Variants in MAML3 observed in about 807,000 individuals in gnomAD.
MAML3 encodes the protein mastermind like transcriptional coactivator 3.
MAML3 carries 27 observed loss-of-function variants against 101.9 expected under a neutral mutation model. That is an observed-to-expected ratio of 0.27 (90% CI 0.20 to 0.37). The LOEUF is 0.37. MAML3 is among the 10% of genes least tolerant of loss of function. The pLI, the probability that MAML3 is intolerant of heterozygous loss-of-function variation, is 1.00. For synonymous variants in MAML3, 501 were observed against 555.9 expected (o/e 0.90, Z 1.39); for missense variants, 1,316 against 1,444.9 (o/e 0.91, Z 1.45).
intron 2 of MAML3, chr4:139,888,602 C>G (rs1261557028): frequency 1.9e-6 from 1 of 519,044 alleles, no homozygotes; most frequent in African/African-American, 1.9e-5. Flanking sequence ...GGTTGCTGCT[C>G]ATTTTTTACC....
At chr4:139,925,641 G>A (rs1733207904) in intron 1 of MAML3, among the ~76,000 whole-genome samples, 1 of 152,166 alleles carries the variant, frequency 6.6e-6, no homozygotes, top group East Asian at 1.9e-4. Flanking sequence ...GGGCTAGTGT[G>A]CCACCTTCAC....
intron 2 of MAML3, among the ~76,000 whole-genome samples, chr4:139,743,660 C>A (rs1393024652): frequency 6.6e-6 from 1 of 152,136 alleles, no homozygotes; most frequent in Non-Finnish European, 1.5e-5. Flanking sequence ...GGATACCACA[C>A]GGGGAAAAGC....
intron 2 of MAML3, among the ~76,000 whole-genome samples, chr4:139,758,388 C>CT (rs1017970023): frequency 6.6e-5 from 10 of 152,060 alleles, no homozygotes; most frequent in South Asian, 2.1e-4. Flanking sequence ...TATCTTTTAA[C>CT]TTTTTTTTGT....
intron 1 of MAML3, among the ~76,000 whole-genome samples, chr4:140,099,359 A>T (rs911448169): frequency 2.0e-5 from 3 of 152,112 alleles, no homozygotes; most frequent in Non-Finnish European, 4.4e-5. Context: ...ACCCAGTCTC[A>T]CAAGTAAGAA....
At chr4:140,035,535 C>T (rs969687079) in intron 1 of MAML3, among the ~76,000 whole-genome samples, 13 of 152,126 alleles carry the variant, frequency 8.5e-5, no homozygotes, top group African/African-American at 2.7e-4. Context: ...CAGTGGCTCA[C>T]GCCTGTAATC....
rs916337136 is a variant in MAML3, at chr4:139,871,667, C to T, written c.2079+17690G>A. On this transcript the variant is annotated intron_variant, in intron 2 of 4. Coordinates refer to ENST00000509479, the MANE Select transcript of MAML3 (RefSeq NM_018717.5). ...TCTAATGAGCTTTGAGGGGCTTCCACACTCCCCTGGGTCCTCCTCCCTGAG... is the reference window on the plus strand; with the variant it reads ...TCTAATGAGCTTTGAGGGGCTTCCATACTCCCCTGGGTCCTCCTCCCTGAG... Among the ~76,000 whole-genome samples, 6 of 152,228 alleles carry T rather than the reference C, an allele frequency of 3.9e-5. No individual in the cohort carries two copies. In the East Asian group the frequency reaches 1.2e-3, roughly 29 times the overall value.
At chr4:139,739,123 T>G (rs1379755415) in intron 2 of MAML3, among the ~76,000 whole-genome samples, 1 of 152,222 alleles carries the variant, frequency 6.6e-6, no homozygotes, top group Non-Finnish European at 1.5e-5. Context: ...CTCAACTGAC[T>G]AATTGGCTGG....
At chr4:139,964,317 C>G (rs1434043676) in intron 1 of MAML3, among the ~76,000 whole-genome samples, 1 of 152,154 alleles carries the variant, frequency 6.6e-6, no homozygotes. Flanking sequence ...AAGCCATCAT[C>G]CTCAGCAAAC....
At chr4:139,862,926 C>T (rs1383450953) in intron 2 of MAML3, among the ~76,000 whole-genome samples, 1 of 152,030 alleles carries the variant, frequency 6.6e-6, no homozygotes, top group East Asian at 1.9e-4. Flanking sequence ...CTTGCCTCTT[C>T]TACAAAATGG....
At chr4:140,014,045 C>T (rs1726605613) in intron 1 of MAML3, among the ~76,000 whole-genome samples, 1 of 152,228 alleles carries the variant, frequency 6.6e-6, no homozygotes. Flanking sequence ...AGCAACATTA[C>T]AGATGCTCCA....
chr4:140,067,819 C>T (rs946051474), intron 1 of MAML3, among the ~76,000 whole-genome samples: 66 of 151,274 alleles, frequency 4.4e-4, no homozygotes, highest in Admixed American at 2.0e-3. Context: ...CTGCAACCTC[C>T]GCCTTCCAGG....
intron 2 of MAML3, among the ~76,000 whole-genome samples, chr4:139,861,101 C>T (rs1329166137): frequency 6.6e-6 from 1 of 152,060 alleles, no homozygotes; most frequent in Non-Finnish European, 1.5e-5. Flanking sequence ...AACCACAATG[C>T]GATCCATGCA....
chr4:139,856,224 T>G (rs558678048), intron 2 of MAML3, among the ~76,000 whole-genome samples: 24 of 152,372 alleles, frequency 1.6e-4, no homozygotes, highest in African/African-American at 5.5e-4. Context: ...GAAATGAGGA[T>G]CTTATGCAAA....
At chr4:139,982,696 C>T (rs1422228955) in intron 1 of MAML3, among the ~76,000 whole-genome samples, 2 of 152,100 alleles carry the variant, frequency 1.3e-5, no homozygotes, top group South Asian at 2.1e-4. Flanking sequence ...TATATGCATA[C>T]ATCTATATCT....
At position 139,864,923 on chromosome 4, in the gene MAML3, CTTT is replaced by C. The variant is rs56361332; in HGVS notation, c.2079+24431_2079+24433del. Among the ~76,000 whole-genome samples, 408 of 62,452 alleles carry C rather than the reference CTTT, an allele frequency of 6.5e-3. 38 individuals carry two copies. Among genetic ancestry groups the C allele is most frequent in the African/African-American group, 0.015 (250 of 17,062 alleles). The allele number at this position is 62,452 out of a possible 152,430, so 41.0% of individuals were successfully genotyped here. ...TTAGGAAAATAGTAATGCAAACTTG[CTTT>C]TTTTTTTTTTTTTTTTTTTTTTTTT... On this transcript the variant is annotated intron_variant, in intron 2 of 4. Transcript: ENST00000509479.
chr4:139,757,130 C>G (rs1173859508), intron 2 of MAML3, among the ~76,000 whole-genome samples: 1 of 152,158 alleles, frequency 6.6e-6, no homozygotes, highest in Non-Finnish European at 1.5e-5. Flanking sequence ...TTCTGCCCGC[C>G]TCTCTTCATA....
intron 1 of MAML3, among the ~76,000 whole-genome samples, chr4:140,051,408 T>A (rs960022928): frequency 1.3e-5 from 2 of 151,748 alleles, no homozygotes; most frequent in African/African-American, 2.4e-5. Flanking sequence ...TACAAAAAAA[T>A]TAGCCAGGCG....
At chr4:140,115,191 T>C (rs1345102276) in intron 1 of MAML3, among the ~76,000 whole-genome samples, 1 of 152,244 alleles carries the variant, frequency 6.6e-6, no homozygotes, top group East Asian at 1.9e-4. Context: ...AAAGATTTTA[T>C]CCCATAAAAA....
At chr4:139,729,417 C>T (rs560534704) in intron 3 of MAML3, among the ~76,000 whole-genome samples, 5 of 152,068 alleles carry the variant, frequency 3.3e-5, no homozygotes, top group Admixed American at 6.5e-5. Flanking sequence ...GCCAGAAGTT[C>T]GAGACCAGCC....
Sources: allele counts gnomAD v4.1 joint callset (sites outside exome capture counted in the v4.1 genomes callset), GRCh38; gene constraint gnomAD v4.1.1; transcripts MANE v1.5; gene names NCBI Gene and HGNC (gene_info 2026-07-23, HGNC 2026-07-21).